Variants in FHAD1 observed in about 807,000 individuals in gnomAD.
The protein encoded by FHAD1 is forkhead-associated domain-containing protein 1.
FHAD1 carries 146 observed loss-of-function variants against 191.3 expected under a neutral mutation model. That is an observed-to-expected ratio of 0.76 (90% CI 0.67 to 0.88). The LOEUF (loss-of-function observed/expected upper bound fraction) is 0.88. Among genes scored for constraint, FHAD1 ranks in the 40% least tolerant of loss-of-function variants. The probability of loss-of-function intolerance (pLI) is 0.00; values close to 1 mark genes in which losing one functional copy is unlikely to be tolerated. For missense variants in FHAD1, 1,635 were observed against 1,785.8 expected (o/e 0.92, Z 1.52); for synonymous variants, 616 against 672.3 (o/e 0.92, Z 1.29).
chr1:15,376,390 G>A (rs921064956), intron 28 of FHAD1, among the ~76,000 whole-genome samples: 1 of 152,126 alleles, frequency 6.6e-6, no homozygotes, highest in African/African-American at 2.4e-5. Context: ...GTGCCCGGCC[G>A]ATCACGGGTG....
intron 3 of FHAD1, among the ~76,000 whole-genome samples, chr1:15,286,480 TGACAGA>T (rs1662461410): frequency 6.6e-6 from 1 of 152,202 alleles, no homozygotes; most frequent in Non-Finnish European, 1.5e-5. Context: ...CCAGCCTGGA[TGACAGA>T]GTGAGACGCT....
At position 15,272,497 on chromosome 1, in the gene FHAD1, A is replaced by T. The variant is rs1656501418; in HGVS notation, c.268A>T (p.Thr90Ser). 1 of 1,548,590 alleles carries T rather than the reference A, an allele frequency of 6.5e-7. No homozygotes were observed. Among genetic ancestry groups the T allele is most frequent in the Non-Finnish European group, 8.7e-7 (1 of 1,145,680 alleles). The change falls in exon 3 of 34, where the codon ACC (threonine) becomes TCC (serine). Residue 90 changes from threonine (T) to serine (S), a missense_variant. Coordinates refer to ENST00000688493, the MANE Select transcript of FHAD1 (RefSeq NM_001391957.1). ...DILRFGSAGL[T>S]YELVIENPPP... ...CCTGAGATTTGGGTCTGCAGGGCTGACCTATGAACTGGTCATTGAAAATCC... is the reference window on the plus strand; with the variant it reads ...CCTGAGATTTGGGTCTGCAGGGCTGTCCTATGAACTGGTCATTGAAAATCC...
At position 15,281,721 on chromosome 1, in the gene FHAD1, A is replaced by G. The variant is rs186612297; in HGVS notation, c.301-7678A>G. 1.6e-3 allele frequency among the ~76,000 whole-genome samples: 231 copies of G among 140,932 alleles called. 2 individuals carry two copies. The highest frequency in any genetic ancestry group is 0.016 in the Admixed American group (207 of 12,910). 92.5% of individuals were successfully genotyped at this position (140,932 alleles called of 152,430 possible). A position where few individuals can be genotyped will look rare whatever the true frequency, so the allele number is the denominator to read the frequency against. Reference sequence around the variant, plus strand: ...GGTTGCAGTGAGCTAAAATCGCGCTACTGCACTCCAGCCTGGGTGACAGAG... The same window carrying G: ...GGTTGCAGTGAGCTAAAATCGCGCTGCTGCACTCCAGCCTGGGTGACAGAG... On this transcript the variant is annotated intron_variant, in intron 3 of 33. Coordinates refer to ENST00000688493, the MANE Select transcript of FHAD1 (RefSeq NM_001391957.1).
intron 23 of FHAD1, among the ~76,000 whole-genome samples, chr1:15,364,581 G>C (rs1695825896): frequency 6.6e-6 from 1 of 152,172 alleles, no homozygotes; most frequent in African/African-American, 2.4e-5. Flanking sequence ...CTGCACTCCA[G>C]CCTGGGCGAC....
intron 2 of FHAD1, among the ~76,000 whole-genome samples, chr1:15,268,116 G>C (rs1336046496): frequency 6.7e-6 from 1 of 149,528 alleles, no homozygotes; most frequent in Non-Finnish European, 1.5e-5. Flanking sequence ...TTTAGCATTA[G>C]GTATATCTCC....
chr1:15,255,998 C>A (rs192873347), intron 2 of FHAD1, among the ~76,000 whole-genome samples: 1 of 152,204 alleles, frequency 6.6e-6, no homozygotes, highest in Non-Finnish European at 1.5e-5. Flanking sequence ...ACCAGGAGCT[C>A]CTTTCAGAAT....
intron 1 of FHAD1, among the ~76,000 whole-genome samples, chr1:15,241,537 C>T (rs1381021304): frequency 6.6e-6 from 1 of 152,126 alleles, no homozygotes; most frequent in African/African-American, 2.4e-5. Flanking sequence ...GTAATCCCAG[C>T]TACTTGGGAG....
intron 2 of FHAD1, among the ~76,000 whole-genome samples, chr1:15,263,238 T>C (rs1360496006): frequency 2.0e-5 from 3 of 152,194 alleles, no homozygotes; most frequent in African/African-American, 7.2e-5. Context: ...AAATATTTTC[T>C]TCCATTCCGT....
intron 24 of FHAD1, 22 bp from the exon 25 acceptor site, chr1:15,367,441 C>G: frequency 6.5e-7 from 1 of 1,547,572 alleles, no homozygotes; most frequent in East Asian, 2.4e-5. Context: ...GACCCCCTTA[C>G]CGGCCCTCCT....
At chr1:15,295,726 G>A (rs972659297) in intron 4 of FHAD1, among the ~76,000 whole-genome samples, 2 of 152,170 alleles carry the variant, frequency 1.3e-5, no homozygotes, top group Non-Finnish European at 2.9e-5. Context: ...CATATGGGGG[G>A]CCAGCTGTAT....
At chr1:15,391,076 G>T in intron 32 of FHAD1, 134 bp from the exon 33 acceptor site, 1 of 294,374 alleles carries the variant, frequency 3.4e-6, no homozygotes, top group South Asian at 3.2e-5. Context: ...TACCTGTTTG[G>T]AATGCTGTCC....
chr1:15,317,932 C>G lies in FHAD1; in HGVS notation c.1365+4C>G. 6.5e-7 allele frequency: 1 copy of G among 1,541,552 alleles called. No individual in the cohort carries two copies. The highest frequency in any genetic ancestry group is 8.8e-7 in the Non-Finnish European group (1 of 1,137,844). ...GACTCTGAGAGAAAAAAGCAAGGTA[C>G]GTAGTGGACAACAGGCCCAGAGAGT... is the stretch of plus-strand genomic sequence containing the variant. On this transcript the variant is annotated splice_donor_region_variant and intron_variant, in intron 10 of 33. Transcript: ENST00000688493.
At position 15,377,329 on chromosome 1, in the gene FHAD1, C is replaced by T. The variant is rs77930936; in HGVS notation, c.3705+1599C>T. ...GAGGGTGGGAGTGGAGGGACAGCCTCCAGGTTGAGATCAGTTTGATTCCCA... is the reference window on the plus strand; with the variant it reads ...GAGGGTGGGAGTGGAGGGACAGCCTTCAGGTTGAGATCAGTTTGATTCCCA... On this transcript the variant is annotated intron_variant, in intron 28 of 33. Transcript: ENST00000688493. Among the ~76,000 whole-genome samples the T allele has an allele frequency of 2.2e-4, 34 of 152,230 alleles. No homozygotes were observed. The East Asian group carries it at 6.2e-3, about 28-fold the overall frequency.
intron 4 of FHAD1, among the ~76,000 whole-genome samples, chr1:15,294,904 G>T (rs1666407415): frequency 6.6e-6 from 1 of 152,074 alleles, no homozygotes; most frequent in East Asian, 1.9e-4. Context: ...CAGCTCTAAG[G>T]CCGAATCTTA....
At chr1:15,395,041 C>T (rs554184933) in intron 33 of FHAD1, among the ~76,000 whole-genome samples, 5 of 152,166 alleles carry the variant, frequency 3.3e-5, no homozygotes, top group South Asian at 2.1e-4. Context: ...AGGCTGGGTG[C>T]GGTGGCTCAC....
chr1:15,397,484 C>A lies in FHAD1; in HGVS notation c.*71C>A. ...TGTGACTCTTCTGTGTCATCTGTGT[C>A]AAAATACTGAGTTGCTTTTGTAAGT... is the stretch of plus-strand genomic sequence containing the variant. On this transcript the variant is annotated 3_prime_UTR_variant, in exon 34 of 34. Coordinates refer to ENST00000688493, the MANE Select transcript of FHAD1 (RefSeq NM_001391957.1). 2.9e-6 allele frequency: 2 copies of A among 678,472 alleles called. No homozygotes were observed. The highest frequency in any genetic ancestry group is 3.3e-5 in the Admixed American group (1 of 29,962). The allele number at this position is 678,472 out of a possible 1,614,324, so 42.0% of individuals were successfully genotyped here. A position where few individuals can be genotyped will look rare whatever the true frequency, so the allele number is the denominator to read the frequency against.
At chr1:15,334,428 G>C (rs1200742161) in intron 14 of FHAD1, 1 of 152,150 alleles carries the variant, frequency 6.6e-6, no homozygotes, top group Non-Finnish European at 1.5e-5. Context: ...TTCCTACCCT[G>C]AGCCATAACC....
At chr1:15,273,414 G>T (rs1391392319) in intron 3 of FHAD1, among the ~76,000 whole-genome samples, 2 of 152,144 alleles carry the variant, frequency 1.3e-5, no homozygotes, top group Non-Finnish European at 2.9e-5. Context: ...TGGGAACATG[G>T]ATATACCTGT....
intron 24 of FHAD1, 89 bp downstream of exon 24, chr1:15,366,022 G>T (rs1380748388): frequency 2.2e-6 from 2 of 895,104 alleles, no homozygotes; most frequent in Non-Finnish European, 1.8e-6. Flanking sequence ...GCGCAGTGGC[G>T]CACGCCTATA....
Sources: gnomAD v4.1 joint callset for allele counts (sites outside exome capture counted in the v4.1 genomes callset) on GRCh38, gnomAD v4.1.1 for gene constraint, MANE v1.5 for transcripts, NCBI Gene and HGNC (gene_info 2026-07-23, HGNC 2026-07-21) for gene names.